The following FUT2 variants were observed in gnomAD, a reference collection of about 807,000 sequenced individuals.
The protein encoded by FUT2 is galactoside alpha-(1,2)-fucosyltransferase 2.
For synonymous variants in FUT2, 182 were observed against 193.1 expected (o/e 0.94, Z 0.48); for missense variants, 419 against 465.8 (o/e 0.90, Z 0.93).
In FUT2 at chr19:48,703,018, C is replaced by A. The variant is rs376227844; in HGVS notation, c.62C>A (p.Thr21Lys). Reference protein sequence around the residue: ...PMAHFILFVFTVSTIFHVQQR... With the variant: ...PMAHFILFVFKVSTIFHVQQR... Reference sequence around the variant, plus strand: ...GCCCACTTCATCCTCTTTGTCTTTACGGTTTCCACTATATTTCACGTTCAG... The same window carrying A: ...GCCCACTTCATCCTCTTTGTCTTTAAGGTTTCCACTATATTTCACGTTCAG... Residue 21 changes from threonine to lysine, a missense_variant, in exon 2 of 2, where the codon ACG becomes AAG. By Grantham distance (78) the Thr-to-Lys change is moderately conservative (BLOSUM62 -1). Coordinates refer to ENST00000425340, the MANE Select transcript of FUT2 (RefSeq NM_000511.6). The A allele has an allele frequency of 6.2e-7, 1 of 1,613,024 alleles. No homozygotes were observed. The highest frequency in any genetic ancestry group is 1.1e-5 in the South Asian group (1 of 90,636).
In FUT2 at chr19:48,704,636, C is replaced by T. The variant is rs1305436649; in HGVS notation, c.*648C>T. On this transcript the variant is annotated 3_prime_UTR_variant, in exon 2 of 2. Coordinates refer to ENST00000425340, the MANE Select transcript of FUT2 (RefSeq NM_000511.6). The stretch of plus-strand genomic sequence containing the variant: ...CCATGGTCCCAAAAGGGCTGCTACA[C>T]ATCCAGCCATCACATGCAGATAATT... The T allele has an allele frequency of 2.4e-6, 1 of 413,980 alleles. No homozygotes were observed. The highest frequency in any genetic ancestry group is 4.4e-6 in the Non-Finnish European group (1 of 227,122). 25.6% of individuals were successfully genotyped at this position (413,980 alleles called of 1,614,324 possible).
chr19:48,698,024 G>T (rs991629176), intron 1 of FUT2, among the ~76,000 whole-genome samples: 24 of 141,924 alleles, frequency 1.7e-4, no homozygotes, highest in Middle Eastern at 3.8e-3. Context: ...TTTTGAGACG[G>T]AGTCTCACTG....
At chr19:48,696,432 A>G (rs1368163702) in intron 1 of FUT2, 4 of 152,130 alleles carry the variant, frequency 2.6e-5, no homozygotes, top group African/African-American at 9.7e-5. Context: ...CCTGGCAGTA[A>G]TGGTGCAGAT....
At chr19:48,699,720 G>C (rs574285581) in intron 1 of FUT2, among the ~76,000 whole-genome samples, 1 of 152,058 alleles carries the variant, frequency 6.6e-6, no homozygotes, top group African/African-American at 2.4e-5. Flanking sequence ...CACACAGCTC[G>C]TGACTGTGAG....
chr19:48,704,203 C>T lies in FUT2; in HGVS notation c.*215C>T, dbSNP rs2032591010. On this transcript the variant is annotated 3_prime_UTR_variant, in exon 2 of 2. Transcript: ENST00000425340. Reference sequence around the variant, plus strand: ...TTGTGAGGCCAGGGTGGGTGGATCACTTGAGGTCAGGAGTTCAAGACTAGC... The same window carrying T: ...TTGTGAGGCCAGGGTGGGTGGATCATTTGAGGTCAGGAGTTCAAGACTAGC... The T allele has an allele frequency of 1.6e-6, 1 of 610,098 alleles. No individual in the cohort carries two copies. Among genetic ancestry groups the T allele is most frequent in the Non-Finnish European group, 3.0e-6 (1 of 330,150 alleles). 37.8% of individuals were successfully genotyped at this position (610,098 alleles called of 1,614,324 possible).
rs928595878 is a variant in FUT2, at chr19:48,703,927, C to A, written c.971C>A (p.Ala324Glu). ...TTCCTCAAAATCTTTAAGCCAGAGG[C>A]AGCCTTCCTGCCGGAGTGGACAGGG... ...SPFLKIFKPE[A>E]AFLPEWTGIA... Residue 324 changes from alanine to glutamate, a missense_variant, in exon 2 of 2, where the codon GCA (alanine) becomes GAA (glutamate). Transcript: ENST00000425340. The A allele has an allele frequency of 6.2e-7, 1 of 1,613,594 alleles. No individual in the cohort carries two copies. Among genetic ancestry groups the A allele is most frequent in the Non-Finnish European group, 8.5e-7 (1 of 1,179,996 alleles).
chr19:48,700,168 A>G (rs1246043523), intron 1 of FUT2, among the ~76,000 whole-genome samples: 3 of 150,584 alleles, frequency 2.0e-5, no homozygotes, highest in Non-Finnish European at 4.4e-5. Flanking sequence ...AAAAAAAAAA[A>G]AAAAAAGAAA....
chr19:48,700,389 C>A (rs909141949), intron 1 of FUT2, among the ~76,000 whole-genome samples: 2 of 151,190 alleles, frequency 1.3e-5, no homozygotes, highest in African/African-American at 2.4e-5. Flanking sequence ...TGCAGTGGCG[C>A]GATCTCGGCT....
rs762045266 is a variant in FUT2 at position 48,703,909 on chromosome 19, A to G, written c.953A>G (p.Lys318Arg). 1.2e-6 allele frequency: 2 copies of G among 1,613,402 alleles called. No homozygotes were observed. Among genetic ancestry groups the G allele is most frequent in the African/African-American group, 2.7e-5 (2 of 74,860 alleles). ...NYTLPDSPFLKIFKPEAAFLP... is the reference protein window; with the variant it reads ...NYTLPDSPFLRIFKPEAAFLP... Reference sequence around the variant, plus strand: ...ACCCTCCCCGACTCCCCTTTCCTCAAAATCTTTAAGCCAGAGGCAGCCTTC... The same window carrying G: ...ACCCTCCCCGACTCCCCTTTCCTCAGAATCTTTAAGCCAGAGGCAGCCTTC... The change falls in exon 2 of 2, where the codon AAA becomes AGA. Residue 318 changes from lysine (K) to arginine (R), a missense_variant. Physicochemically the swap from Lys to Arg is conservative, Grantham distance 26 (BLOSUM62 2). Transcript: ENST00000425340.
chr19:48,702,350 T>C (rs2032530958), intron 1 of FUT2, among the ~76,000 whole-genome samples: 2 of 151,972 alleles, frequency 1.3e-5, no homozygotes, highest in African/African-American at 4.8e-5. Flanking sequence ...AAGGCTACAG[T>C]GAGCCACGTT....
intron 1 of FUT2, chr19:48,696,632 G>C (rs1350624253): frequency 6.6e-6 from 1 of 152,242 alleles, no homozygotes; most frequent in Non-Finnish European, 1.5e-5. Context: ...GGAGAATAAA[G>C]GTGGGGTTTC....
chr19:48,702,528 C>T (rs2032533992), intron 1 of FUT2, among the ~76,000 whole-genome samples: 1 of 151,948 alleles, frequency 6.6e-6, no homozygotes, highest in Non-Finnish European at 1.5e-5. Flanking sequence ...TTCACAATCA[C>T]CTAGATGACA....
At position 48,705,106 on chromosome 19, in the gene FUT2, C is replaced by CTTTTTT. The variant is rs750075953; in HGVS notation, c.*1122_*1123insTTTTTT. 7.3e-3 allele frequency: 1,376 copies of CTTTTTT among 188,702 alleles called. 183 individuals carry two copies. The highest frequency in any genetic ancestry group is 0.017 in the Middle Eastern group (8 of 476). 11.7% of individuals were successfully genotyped at this position (188,702 alleles called of 1,614,324 possible). On this transcript the variant is annotated 3_prime_UTR_variant, in exon 2 of 2. Transcript: ENST00000425340. ...GAGCTCACTGTTTTCTTTTCTTTTTCTTTTCTTTTTTTTTTTTTTTTTGAG... is the reference window on the plus strand; with the variant it reads ...GAGCTCACTGTTTTCTTTTCTTTTTCTTTTTTTTTTCTTTTTTTTTTTTTTTTTGAG...
intron 1 of FUT2, chr19:48,696,779 A>C (rs962591400): frequency 1.3e-5 from 2 of 152,386 alleles, no homozygotes; most frequent in African/African-American, 4.8e-5. Context: ...ACTGAGCCGG[A>C]TGTGCTGAGC....
chr19:48,703,275 T>C lies in FUT2; in HGVS notation c.319T>C (p.Phe107Leu). The C allele has an allele frequency of 6.2e-7, 1 of 1,613,048 alleles. No individual in the cohort carries two copies. The highest frequency in any genetic ancestry group is 8.5e-7 in the Non-Finnish European group (1 of 1,180,012). The change falls in exon 2 of 2, where the codon TTC (phenylalanine) becomes CTC (leucine). Residue 107 changes from phenylalanine to leucine, a missense_variant. Coordinates refer to ENST00000425340, the MANE Select transcript of FUT2 (RefSeq NM_000511.6). ...GATGCACAGCACCCTGGCCCCCATC[T>C]TCAGAATCACCCTGCCGGTGCTGCA... ...AQMHSTLAPI[F>L]RITLPVLHSA...
Position 48,704,352 on chromosome 19 carries a change from G to C in FUT2, c.*364G>C. 1 of 374,442 alleles carries C rather than the reference G, an allele frequency of 2.7e-6. No individual in the cohort carries two copies. The allele number at this position is 374,442 out of a possible 1,614,324, so 23.2% of individuals were successfully genotyped here. On this transcript the variant is annotated 3_prime_UTR_variant, in exon 2 of 2. Coordinates refer to ENST00000425340, the MANE Select transcript of FUT2 (RefSeq NM_000511.6). ...CAAGAGAATCACTTGAACCCAGGAG[G>C]CGGAGGTTGCAGTGAGCCAAGATGG...
chr19:48,703,548 G>A lies in FUT2; in HGVS notation c.592G>A (p.Val198Ile), dbSNP rs1224555314. The change falls in exon 2 of 2, where the codon GTC (valine) becomes ATC (isoleucine). Residue 198 changes from valine (V) to isoleucine (I), a missense_variant. By Grantham distance (29) the Val-to-Ile change is conservative. Transcript: ENST00000425340. ...GAGCCGGCCGGGCACCTTTGTAGGG[G>A]TCCATGTTCGCCGAGGGGACTATGT... ...NGSRPGTFVG[V>I]HVRRGDYVHV... 1 of 1,613,360 alleles carries A rather than the reference G, an allele frequency of 6.2e-7. No homozygotes were observed. The highest frequency in any genetic ancestry group is 1.1e-5 in the South Asian group (1 of 90,638).
At chr19:48,700,275 C>T (rs1005923568) in intron 1 of FUT2, among the ~76,000 whole-genome samples, 5 of 151,774 alleles carry the variant, frequency 3.3e-5, no homozygotes, top group African/African-American at 1.2e-4. Flanking sequence ...TCCACAAAGT[C>T]ATCAGTCACC....
In FUT2 at chr19:48,703,565, G is replaced by A. The variant is rs965296714; in HGVS notation, c.609G>A (p.Gly203=). The change falls in exon 2 of 2, where the codon GGG becomes GGA. Residue 203 remains glycine, a synonymous_variant. Coordinates refer to ENST00000425340, the MANE Select transcript of FUT2 (RefSeq NM_000511.6). ...TTGTAGGGGTCCATGTTCGCCGAGG[G>A]GACTATGTCCATGTCATGCCAAAAG... ...GTFVGVHVRR[G]DYVHVMPKVW... The A allele has an allele frequency of 4.3e-6, 7 of 1,613,286 alleles. No individual in the cohort carries two copies. Among genetic ancestry groups the A allele is most frequent in the Non-Finnish European group, 5.9e-6 (7 of 1,180,022 alleles).
Sources: allele counts gnomAD v4.1 joint callset (sites outside exome capture counted in the v4.1 genomes callset), GRCh38; gene constraint gnomAD v4.1.1; transcripts MANE v1.5; gene names NCBI Gene and HGNC (gene_info 2026-07-23, HGNC 2026-07-21).